Variants in RARB observed in about 807,000 individuals in gnomAD.
RARB encodes retinoic acid receptor beta, also known as HBV-activated protein.
In RARB, 17 loss-of-function variants were observed where a neutral mutation model predicts 51.9. The observed-to-expected ratio is 0.33, with a 90% CI of 0.22 to 0.49. The LOEUF is 0.49. RARB is among the 20% of genes least tolerant of loss of function. The pLI, the probability that RARB is intolerant of heterozygous loss-of-function variation, is 0.99. For missense variants in RARB, 369 were observed against 550.8 expected (o/e 0.67, Z 3.30); for synonymous variants, 215 against 195.4 (o/e 1.10, Z -0.84).
At chr3:25,346,047 A>G (rs1479739976) in intron 5 of RARB, 1 of 208,240 alleles carries the variant, frequency 4.8e-6, no homozygotes, top group East Asian at 1.8e-4. Flanking sequence ...TCACTCATGC[A>G]TCTGTGGTGG....
intron 4 of RARB, among the ~76,000 whole-genome samples, chr3:25,149,896 A>AC (rs1553637659): frequency 6.6e-6 from 1 of 151,000 alleles, no homozygotes; most frequent in East Asian, 1.9e-4. Context: ...GCAGCAGAAC[A>AC]TTTTTTTTTA....
intron 3 of RARB, among the ~76,000 whole-genome samples, chr3:25,126,646 C>T (rs973155241): frequency 3.3e-5 from 5 of 152,116 alleles, no homozygotes; most frequent in Non-Finnish European, 2.9e-5. Flanking sequence ...TGATGCAGTG[C>T]TGCTGGCCCC....
chr3:24,876,932 G>A (rs1703057613), intron 2 of RARB, among the ~76,000 whole-genome samples: 1 of 152,048 alleles, frequency 6.6e-6, no homozygotes, highest in African/African-American at 2.4e-5. Context: ...TACTAAGCAA[G>A]AAAAATCATT....
intron 2 of RARB, among the ~76,000 whole-genome samples, chr3:25,059,903 T>C (rs368093784): frequency 2.0e-5 from 3 of 151,828 alleles, no homozygotes; most frequent in African/African-American, 7.2e-5. Context: ...GAGTTTACAT[T>C]GATAGAATCT....
In RARB at chr3:25,171,643, T is replaced by TA. The variant is rs770248970; in HGVS notation, c.-279-2458dup. Among the ~76,000 whole-genome samples, 37 of 45,470 alleles carry TA rather than the reference T, an allele frequency of 8.1e-4. 1 individual carries two copies. The highest frequency in any genetic ancestry group is 0.021 in the Middle Eastern group (1 of 48). 29.8% of individuals were successfully genotyped at this position (45,470 alleles called of 152,430 possible). ...TTTTTCCCAACCAGTCCCTGGTTGG[T>TA]AAAAAAAAAAAAAAAAAACAGCTTT... On this transcript the variant is annotated intron_variant, in intron 4 of 11. Transcript: ENST00000383772.
At chr3:24,878,579 G>C (rs1339787485) in intron 2 of RARB, among the ~76,000 whole-genome samples, 1 of 152,130 alleles carries the variant, frequency 6.6e-6, no homozygotes, top group Non-Finnish European at 1.5e-5. Context: ...GTAATTCTGT[G>C]TTATCAGGGG....
chr3:25,120,308 T>A (rs903930500), intron 3 of RARB, among the ~76,000 whole-genome samples: 12 of 152,146 alleles, frequency 7.9e-5, no homozygotes, highest in Non-Finnish European at 1.8e-4. Flanking sequence ...TACATACTCC[T>A]TTTAAAAGGG....
intron 2 of RARB, among the ~76,000 whole-genome samples, chr3:24,916,784 A>C (rs1050326285): frequency 4.6e-5 from 7 of 151,820 alleles, no homozygotes; most frequent in African/African-American, 1.7e-4. Context: ...AAAAAAAAAA[A>C]AACCTTGTAC....
At chr3:25,245,966 G>A (rs1160493894) in intron 5 of RARB, among the ~76,000 whole-genome samples, 1 of 151,950 alleles carries the variant, frequency 6.6e-6, no homozygotes, top group Non-Finnish European at 1.5e-5. Context: ...AATCAAACGT[G>A]GGTTTGGTCT....
At chr3:25,592,961 A>G (rs2125324577) in intron 5 of RARB, among the ~76,000 whole-genome samples, 1 of 152,276 alleles carries the variant, frequency 6.6e-6, no homozygotes, top group East Asian at 1.9e-4. Context: ...ATTCAGTTAC[A>G]TGTTAACTAT....
chr3:25,350,859 C>T (rs1372315114), intron 5 of RARB, among the ~76,000 whole-genome samples: 1 of 152,152 alleles, frequency 6.6e-6, no homozygotes, highest in African/African-American at 2.4e-5. Context: ...GGCTGCATGT[C>T]CCCTTGTTGC....
At chr3:25,530,532 G>A (rs1321999246) in intron 3 of RARB, among the ~76,000 whole-genome samples, 1 of 152,184 alleles carries the variant, frequency 6.6e-6, no homozygotes. Context: ...CCTAGAAGCT[G>A]CCTGCATTCT....
At chr3:25,496,319 C>G (rs188146513) in intron 2 of RARB, among the ~76,000 whole-genome samples, 13 of 152,300 alleles carry the variant, frequency 8.5e-5, no homozygotes, top group African/African-American at 3.1e-4. Context: ...TTTGCCTGAC[C>G]GTTGCCTTGG....
intron 3 of RARB, among the ~76,000 whole-genome samples, chr3:25,545,320 G>A (rs1196350988): frequency 6.6e-6 from 1 of 152,096 alleles, no homozygotes; most frequent in South Asian, 2.1e-4. Flanking sequence ...GGGCTCTACT[G>A]AACCACAAGG....
At chr3:25,430,227 C>T (rs767504118) in intron 1 of RARB, among the ~76,000 whole-genome samples, 9 of 152,220 alleles carry the variant, frequency 5.9e-5, no homozygotes, top group Non-Finnish European at 1.2e-4. Context: ...CCTTAATCTT[C>T]AGCTGCTCCC....
chr3:25,093,998 T>C, intron 3 of RARB, among the ~76,000 whole-genome samples: 1 of 152,124 alleles, frequency 6.6e-6, no homozygotes, highest in East Asian at 1.9e-4. Flanking sequence ...TACTCCCAAG[T>C]TCAGACTAAC....
chr3:25,335,932 A>G (rs185680186), intron 5 of RARB, among the ~76,000 whole-genome samples: 1 of 152,332 alleles, frequency 6.6e-6, no homozygotes, highest in African/African-American at 2.4e-5. Flanking sequence ...TCATTAATAA[A>G]TGTTCATTTA....
rs10713675 is a variant in RARB, at chr3:25,293,597, T to TAAAAAAAAAAAAAAAAAAAAAAAA, written c.178+119043_178+119044insAAAAAAAAAAAAAAAAAAAAAAAA. 5.4e-4 allele frequency among the ~76,000 whole-genome samples: 37 copies of TAAAAAAAAAAAAAAAAAAAAAAAA among 68,642 alleles called. 7 individuals are homozygous for TAAAAAAAAAAAAAAAAAAAAAAAA. The highest frequency in any genetic ancestry group is 8.9e-4 in the Non-Finnish European group (29 of 32,744). The allele number at this position is 68,642 out of a possible 152,430, so 45.0% of individuals were successfully genotyped here. A position where few individuals can be genotyped will look rare whatever the true frequency, so the allele number is the denominator to read the frequency against. On this transcript the variant is annotated intron_variant, in intron 5 of 11. Coordinates refer to the RARB transcript ENST00000383772. ...TTCCCGAGGCTAGAGTTACTCCATT[T>TAAAAAAAAAAAAAAAAAAAAAAAA]AAAAAAAAAAAAAAAAAAAAAGTTC...
At chr3:25,425,727 A>C (rs1707971100), upstream of RARB, among the ~76,000 whole-genome samples, 1 of 152,214 alleles carries the variant, frequency 6.6e-6, no homozygotes, top group African/African-American at 2.4e-5. Context: ...GCAATGATAC[A>C]GTATAGAGGT....
Sources: gnomAD v4.1 joint callset for allele counts (sites outside exome capture counted in the v4.1 genomes callset) on GRCh38, gnomAD v4.1.1 for gene constraint, MANE v1.5 for transcripts, NCBI Gene and HGNC (gene_info 2026-07-23, HGNC 2026-07-21) for gene names.